DCDC2: variants seen among roughly 807,000 people sequenced by gnomAD.
The protein encoded by DCDC2 is doublecortin domain containing 2, also known as doublecortin domain-containing protein 2.
Under a neutral mutation model 50.2 loss-of-function variants are expected in DCDC2, and 40 were observed. The observed-to-expected ratio is 0.80, with a 90% CI of 0.62 to 1.04. The LOEUF is 1.04. Among genes scored for constraint, DCDC2 ranks in the 50% least tolerant of loss-of-function variants. The pLI is 0.00. For missense variants in DCDC2, 570 were observed against 581.9 expected (o/e 0.98, Z 0.21); for synonymous variants, 234 against 210.6 (o/e 1.11, Z -0.96).
intron 7 of DCDC2, among the ~76,000 whole-genome samples, chr6:24,273,319 T>A (rs1367322951): frequency 6.6e-6 from 1 of 152,092 alleles, no homozygotes; most frequent in Non-Finnish European, 1.5e-5. Context: ...AGAAATTACA[T>A]CATGGGGACA....
upstream of DCDC2, among the ~76,000 whole-genome samples, chr6:24,359,076 CAT>C (rs1349957102): frequency 7.8e-4 from 11 of 14,126 alleles, no homozygotes; most frequent in Admixed American, 1.4e-3. Context: ...TATTATATAT[CAT>C]ATATTTTTAT....
At chr6:24,363,482 C>G in the DCDC2 span, among the ~76,000 whole-genome samples, 2 of 152,134 alleles carry the variant, frequency 1.3e-5, no homozygotes, top group Non-Finnish European at 2.9e-5. Context: ...GCCTGGGTAA[C>G]AGAATAAGAC....
intron 8 of DCDC2, among the ~76,000 whole-genome samples, chr6:24,203,829 A>T (rs570403703): frequency 3.3e-5 from 5 of 152,336 alleles, no homozygotes; most frequent in African/African-American, 1.2e-4. Context: ...TGGGCAAAGG[A>T]TATGAGCAGA....
chr6:24,358,453 C>T (rs977981106), upstream of DCDC2, among the ~76,000 whole-genome samples: 7 of 146,410 alleles, frequency 4.8e-5, no homozygotes, highest in Admixed American at 1.4e-4. Flanking sequence ...GTCTCTATAA[C>T]GCGCCTGTGA....
intron 7 of DCDC2, among the ~76,000 whole-genome samples, chr6:24,232,575 T>C (rs532116653): frequency 6.6e-6 from 1 of 152,210 alleles, no homozygotes; most frequent in Non-Finnish European, 1.5e-5. Context: ...AACAGAATTG[T>C]TGAACAATTT....
chr6:24,283,294 T>G (rs1455269026), intron 6 of DCDC2, among the ~76,000 whole-genome samples: 1 of 152,186 alleles, frequency 6.6e-6, no homozygotes, highest in Non-Finnish European at 1.5e-5. Flanking sequence ...CATGCTAATT[T>G]CTGTGACTCC....
Position 24,173,989 on chromosome 6 carries a change from C to T in DCDC2, c.*741G>A, listed in dbSNP as rs1212508017. On this transcript the variant is annotated 3_prime_UTR_variant, in exon 10 of 10. Coordinates refer to ENST00000378454, the MANE Select transcript of DCDC2 (RefSeq NM_016356.5). ...TGAAAATCCACAGGATTTCCATTATCTGCAAACCATACATCCAGGCTTTAT... is the reference window on the plus strand; with the variant it reads ...TGAAAATCCACAGGATTTCCATTATTTGCAAACCATACATCCAGGCTTTAT... 6.6e-6 allele frequency: 1 copy of T among 152,220 alleles called. No homozygotes were observed. Among genetic ancestry groups the T allele is most frequent in the African/African-American group, 2.4e-5 (1 of 41,454 alleles). 9.4% of individuals were successfully genotyped at this position (152,220 alleles called of 1,614,324 possible). A position where few individuals can be genotyped will look rare whatever the true frequency, so the allele number is the denominator to read the frequency against.
intron 7 of DCDC2, among the ~76,000 whole-genome samples, chr6:24,268,949 A>G (rs1215890842): frequency 6.6e-6 from 1 of 152,228 alleles, no homozygotes; most frequent in Non-Finnish European, 1.5e-5. Flanking sequence ...ATCCAATTGT[A>G]TAAAATAAGA....
chr6:24,175,903 A>T (rs984452009), intron 9 of DCDC2, among the ~76,000 whole-genome samples: 3 of 152,150 alleles, frequency 2.0e-5, no homozygotes, highest in Admixed American at 6.5e-5. Context: ...ACCTATACTA[A>T]TATGTTAGGG....
the DCDC2 span, among the ~76,000 whole-genome samples, chr6:24,377,270 A>T: frequency 6.6e-6 from 1 of 152,204 alleles, no homozygotes; most frequent in Non-Finnish European, 1.5e-5. Flanking sequence ...CCAGAGCCAG[A>T]GTTCTTTTTT....
At chr6:24,273,900 C>T (rs919791037) in intron 7 of DCDC2, among the ~76,000 whole-genome samples, 5 of 152,204 alleles carry the variant, frequency 3.3e-5, no homozygotes, top group African/African-American at 1.2e-4. Flanking sequence ...ACCACACCTG[C>T]TCCCAATCAG....
At chr6:24,237,333 A>G (rs1256209742) in intron 7 of DCDC2, among the ~76,000 whole-genome samples, 1 of 152,242 alleles carries the variant, frequency 6.6e-6, no homozygotes, top group African/African-American at 2.4e-5. Flanking sequence ...GTTTACCTAC[A>G]TAACAAACCT....
At chr6:24,291,833 C>T (rs1357583271) in intron 4 of DCDC2, among the ~76,000 whole-genome samples, 2 of 152,188 alleles carry the variant, frequency 1.3e-5, no homozygotes, top group African/African-American at 2.4e-5. Flanking sequence ...ATCAGGCTGG[C>T]AAGCTTCTGA....
chr6:24,246,479 C>CTTTTTTTTTTTTTTTT lies in DCDC2; in HGVS notation c.922+31554_922+31569dup, dbSNP rs4052666. On this transcript the variant is annotated intron_variant, in intron 7 of 9. Transcript: ENST00000378454. ...GATAAAGACAAGTCTTTTTCTTTTT[C>CTTTTTTTTTTTTTTTT]TTTTTTTTTTTTTTTTTTTTTTTTT... Among the ~76,000 whole-genome samples the CTTTTTTTTTTTTTTTT allele has an allele frequency of 3.2e-4, 23 of 70,790 alleles. 2 individuals are homozygous for CTTTTTTTTTTTTTTTT. The highest frequency in any genetic ancestry group is 1.3e-3 in the South Asian group (2 of 1,532). The allele number at this position is 70,790 out of a possible 152,430, so 46.4% of individuals were successfully genotyped here.
intron 7 of DCDC2, among the ~76,000 whole-genome samples, chr6:24,218,372 T>C (rs746726006): frequency 3.3e-5 from 5 of 152,240 alleles, no homozygotes; most frequent in Non-Finnish European, 7.3e-5. Flanking sequence ...TGATTGAGCA[T>C]CCACCAGATT....
intron 4 of DCDC2, 120 bp downstream of exon 4, chr6:24,301,595 G>A (rs1759375873): frequency 1.8e-6 from 2 of 1,085,544 alleles, no homozygotes; most frequent in Non-Finnish European, 2.7e-6. Flanking sequence ...AGAAACTGAG[G>A]CATACGGGGC....
At chr6:24,247,513 G>A (rs1019171698) in intron 7 of DCDC2, among the ~76,000 whole-genome samples, 3 of 152,070 alleles carry the variant, frequency 2.0e-5, no homozygotes, top group African/African-American at 7.2e-5. Context: ...TAGAGATGGA[G>A]TACACTGAAG....
chr6:24,351,013 A>G (rs1471505466), intron 2 of DCDC2, among the ~76,000 whole-genome samples: 1 of 152,184 alleles, frequency 6.6e-6, no homozygotes, highest in Non-Finnish European at 1.5e-5. Context: ...AGTTTCCCAT[A>G]CTAAAAATCA....
chr6:24,295,351 A>T (rs774480397), intron 4 of DCDC2, among the ~76,000 whole-genome samples: 1 of 152,208 alleles, frequency 6.6e-6, no homozygotes, highest in Admixed American at 6.5e-5. Flanking sequence ...AGAAACCCAC[A>T]GCTAACATCA....
Sources: allele counts gnomAD v4.1 joint callset (sites outside exome capture counted in the v4.1 genomes callset), GRCh38; gene constraint gnomAD v4.1.1; transcripts MANE v1.5; gene names NCBI Gene and HGNC (gene_info 2026-07-23, HGNC 2026-07-21).